GALNT13: variants seen among roughly 807,000 people sequenced by gnomAD.
The protein encoded by GALNT13 is polypeptide N-acetylgalactosaminyltransferase 13.
Under a neutral mutation model 64.2 loss-of-function variants are expected in GALNT13, and 28 were observed. That is an observed-to-expected ratio of 0.44 (90% CI 0.32 to 0.60). The LOEUF is 0.60. GALNT13 is among the 20% of genes least tolerant of loss of function. GALNT13 has a pLI of 0.05. For missense variants in GALNT13, 577 were observed against 669.8 expected (o/e 0.86, Z 1.53); for synonymous variants, 214 against 224.6 (o/e 0.95, Z 0.42).
At chr2:154,047,777 A>G (rs1023517597) in intron 3 of GALNT13, among the ~76,000 whole-genome samples, 16 of 152,108 alleles carry the variant, frequency 1.1e-4, no homozygotes, top group Non-Finnish European at 1.6e-4. Context: ...CTTTGGCTCT[A>G]TTGACATTTG....
intron 3 of GALNT13, among the ~76,000 whole-genome samples, chr2:154,052,099 A>T (rs1699654157): frequency 6.6e-6 from 1 of 152,082 alleles, no homozygotes; most frequent in South Asian, 2.1e-4. Context: ...ACTAATAATC[A>T]TTACCTCTTG....
At chr2:153,116,794 C>CTTT in the GALNT13 span, among the ~76,000 whole-genome samples, 1,817 of 82,298 alleles carry the variant, frequency 0.022, 73 homozygotes, top group African/African-American at 0.029. Context: ...GTGTTGTCTT[C>CTTT]TTTTTTTTTT....
At chr2:153,674,120 T>C in the GALNT13 span, among the ~76,000 whole-genome samples, 3 of 152,166 alleles carry the variant, frequency 2.0e-5, no homozygotes, top group Admixed American at 2.0e-4. Flanking sequence ...AAAATGGCCA[T>C]ACTGTGCGAG....
At chr2:153,129,548 G>A in the GALNT13 span, among the ~76,000 whole-genome samples, 1 of 152,158 alleles carries the variant, frequency 6.6e-6, no homozygotes, top group Admixed American at 6.6e-5. Context: ...GCCGAGGTGA[G>A]CAGATCACGA....
At chr2:153,766,345 CT>C in the GALNT13 span, among the ~76,000 whole-genome samples, 2 of 148,326 alleles carry the variant, frequency 1.3e-5, no homozygotes, top group South Asian at 4.1e-4. Flanking sequence ...GCAATCTCTT[CT>C]TTTGGTTGAA....
chr2:153,301,309 C>CAAAAAAAAAAAAAAAAAA, the GALNT13 span, among the ~76,000 whole-genome samples: 39 of 76,380 alleles, frequency 5.1e-4, 2 homozygotes, highest in Middle Eastern at 0.011. Context: ...GACTCCTTCT[C>CAAAAAAAAAAAAAAAAAA]AAAAAAAAAG....
the GALNT13 span, among the ~76,000 whole-genome samples, chr2:153,219,772 T>C: frequency 6.6e-6 from 1 of 152,202 alleles, no homozygotes; most frequent in African/African-American, 2.4e-5. Flanking sequence ...AACAAATTGG[T>C]TTTAAGACAT....
chr2:153,762,397 A>G, the GALNT13 span: 1 of 152,232 alleles, frequency 6.6e-6, no homozygotes, highest in Non-Finnish European at 1.5e-5. Context: ...GAAGATGTCC[A>G]TAGGGGACCC....
the GALNT13 span, among the ~76,000 whole-genome samples, chr2:153,615,958 T>G: frequency 1.3e-5 from 2 of 152,092 alleles, no homozygotes; most frequent in African/African-American, 4.8e-5. Context: ...TTTGTCCATT[T>G]TTGCTTTCGT....
At chr2:153,189,954 T>C in the GALNT13 span, among the ~76,000 whole-genome samples, 1 of 152,218 alleles carries the variant, frequency 6.6e-6, no homozygotes, top group South Asian at 2.1e-4. Flanking sequence ...TGGAACGTTT[T>C]TATGCTGTTG....
intron 8 of GALNT13, among the ~76,000 whole-genome samples, chr2:154,291,109 C>G (rs922122926): frequency 6.6e-6 from 1 of 152,052 alleles, no homozygotes; most frequent in Non-Finnish European, 1.5e-5. Context: ...AGTAGGTTGC[C>G]GCGGCTGGCT....
At chr2:154,199,502 T>C (rs1418308287) in intron 4 of GALNT13, among the ~76,000 whole-genome samples, 2 of 152,072 alleles carry the variant, frequency 1.3e-5, no homozygotes, top group African/African-American at 2.4e-5. Flanking sequence ...ATTTTCCTTT[T>C]GTAATATCTT....
chr2:153,588,335 G>A, the GALNT13 span, among the ~76,000 whole-genome samples: 1 of 152,194 alleles, frequency 6.6e-6, no homozygotes, highest in Admixed American at 6.5e-5. Context: ...CCCTAGCAGA[G>A]GTTCTCCATG....
the GALNT13 span, among the ~76,000 whole-genome samples, chr2:153,806,439 C>T: frequency 6.6e-5 from 10 of 151,956 alleles, no homozygotes; most frequent in Admixed American, 2.0e-4. Context: ...AAGCGTGTCT[C>T]TTTATAATAA....
chr2:154,139,521 A>T (rs1203370597), intron 3 of GALNT13, among the ~76,000 whole-genome samples: 1 of 151,842 alleles, frequency 6.6e-6, no homozygotes, highest in African/African-American at 2.4e-5. Flanking sequence ...ACTTTAACCT[A>T]ATTTAATATC....
chr2:153,491,512 C>G, the GALNT13 span, among the ~76,000 whole-genome samples: 7 of 151,924 alleles, frequency 4.6e-5, no homozygotes, highest in Non-Finnish European at 1.5e-5. Flanking sequence ...CCTGTGAGAA[C>G]AAGAACAGTA....
At chr2:153,149,649 A>G in the GALNT13 span, among the ~76,000 whole-genome samples, 1 of 151,820 alleles carries the variant, frequency 6.6e-6, no homozygotes, top group Admixed American at 6.6e-5. Context: ...GTGGGTTACA[A>G]ATAAACCTTT....
At chr2:154,268,025 G>A (rs996588480) in intron 8 of GALNT13, among the ~76,000 whole-genome samples, 1 of 152,160 alleles carries the variant, frequency 6.6e-6, no homozygotes, top group African/African-American at 2.4e-5. Context: ...TGCTGGTGGC[G>A]ATGTACAATG....
chr2:153,696,627 A>T, the GALNT13 span, among the ~76,000 whole-genome samples: 5 of 150,406 alleles, frequency 3.3e-5, no homozygotes, highest in East Asian at 9.6e-4. Flanking sequence ...TTACAACAAT[A>T]TGTTGTAATA....
Sources: allele counts gnomAD v4.1 joint callset (sites outside exome capture counted in the v4.1 genomes callset), GRCh38; gene constraint gnomAD v4.1.1; transcripts MANE v1.5; gene names NCBI Gene and HGNC (gene_info 2026-07-23, HGNC 2026-07-21).